The following ENTPD5 variants were observed in gnomAD, a reference collection of about 807,000 sequenced individuals.
ENTPD5 encodes nucleoside diphosphate phosphatase ENTPD5.
ENTPD5 carries 49 observed loss-of-function variants against 60.2 expected under a neutral mutation model. The ratio of observed to expected loss-of-function variants is 0.81; its 90% confidence interval spans 0.65 to 1.03. ENTPD5 has a LOEUF of 1.03. Among genes scored for constraint, ENTPD5 ranks in the 50% least tolerant of loss-of-function variants. ENTPD5 has a pLI of 0.00. For synonymous variants in ENTPD5, 187 were observed against 185.4 expected, an observed-to-expected ratio of 1.01 and a Z score of -0.07; for missense variants, 480 against 507.6, an observed-to-expected ratio of 0.95 and a Z score of 0.52.
At chr14:73,961,412 C>G, downstream of ENTPD5, 4 of 1,614,100 alleles carry the variant, frequency 2.5e-6, no homozygotes, top group Non-Finnish European at 3.4e-6. Flanking sequence ...TCCCTTCTCA[C>G]TTTGCTGCCA....
intron 3 of ENTPD5, among the ~76,000 whole-genome samples, chr14:73,989,078 T>G (rs972775695): frequency 4.0e-5 from 6 of 151,298 alleles, no homozygotes; most frequent in Non-Finnish European, 8.8e-5. Context: ...CGCCTCGGCC[T>G]CCCAAAGTGC....
At chr14:73,998,982 C>T (rs1448459880) in intron 3 of ENTPD5, among the ~76,000 whole-genome samples, 3 of 152,176 alleles carry the variant, frequency 2.0e-5, no homozygotes, top group South Asian at 4.1e-4. Context: ...TATCCAAATA[C>T]GAATCTGGTA....
downstream of ENTPD5, chr14:73,955,511 TG>T: frequency 6.2e-7 from 1 of 1,613,798 alleles, no homozygotes; most frequent in South Asian, 1.1e-5. Flanking sequence ...CGAATGCAGG[TG>T]CCCCTTTATC....
chr14:73,970,513 A>G (rs2057178512), intron 14 of ENTPD5, among the ~76,000 whole-genome samples: 1 of 151,796 alleles, frequency 6.6e-6, no homozygotes, highest in African/African-American at 2.4e-5. Context: ...GTAGGGGGAG[A>G]AGAAGAATAA....
At position 73,971,920 on chromosome 14, in the gene ENTPD5, C is replaced by T. The variant is rs367801118; in HGVS notation, c.1028-12G>A. 6.6e-6 allele frequency: 10 copies of T among 1,523,056 alleles called. No homozygotes were observed. The African/African-American group carries it at 1.2e-4, about 19-fold the overall frequency. 94.3% of individuals were successfully genotyped at this position (1,523,056 alleles called of 1,614,324 possible). ...CCCCTTTTCATAATCTGAAATAAAA[C>T]AGAAGATTATCTGATATCAAAACGC... is the stretch of plus-strand genomic sequence containing the variant. On this transcript the variant is annotated splice_polypyrimidine_tract_variant and intron_variant, in intron 13 of 15. Transcript: ENST00000334696.
chr14:73,961,990 C>G, downstream of ENTPD5: 2 of 1,490,302 alleles, frequency 1.3e-6, no homozygotes, highest in Admixed American at 3.4e-5. Flanking sequence ...TCTTATCGCC[C>G]AGGATGGAGT....
At chr14:74,006,925 A>G (rs185874121) in intron 3 of ENTPD5, among the ~76,000 whole-genome samples, 105 of 152,334 alleles carry the variant, frequency 6.9e-4, no homozygotes, top group African/African-American at 2.3e-3. Flanking sequence ...GAGTAGGAAG[A>G]AAATAAATGA....
At position 73,999,760 on chromosome 14, in the gene ENTPD5, C is replaced by G. The variant is rs1419342018; in HGVS notation, c.-71+11331G>C. ...TGAGCCAAGATCAAGCCACTGCACT[C>G]TAGACTGGGCAACAGGGCGAGACTC... is the stretch of plus-strand genomic sequence containing the variant. On this transcript the variant is annotated intron_variant, in intron 3 of 15. Transcript: ENST00000334696. 1.3e-5 allele frequency among the ~76,000 whole-genome samples: 2 copies of G among 151,086 alleles called. 1 individual carries two copies. The highest frequency in any genetic ancestry group is 4.9e-5 in the African/African-American group (2 of 40,914).
chr14:73,958,789 G>C (rs2056565518), downstream of ENTPD5: 1 of 1,503,290 alleles, frequency 6.7e-7, no homozygotes, highest in African/African-American at 1.4e-5. Flanking sequence ...TGGCTCTGTT[G>C]GCTGAGGCTG....
At chr14:73,955,455 T>C (rs1450160452), downstream of ENTPD5, 2 of 1,614,106 alleles carry the variant, frequency 1.2e-6, no homozygotes. Context: ...TTGTAGGTTT[T>C]GGTGCCTGGG....
chr14:73,956,217 A>G, downstream of ENTPD5: 1 of 364,436 alleles, frequency 2.7e-6, no homozygotes, highest in Non-Finnish European at 5.3e-6. Flanking sequence ...AGACCCAGCT[A>G]CTTGGGAGGC....
At chr14:73,955,889 A>G, downstream of ENTPD5, 2 of 1,614,144 alleles carry the variant, frequency 1.2e-6, no homozygotes, top group Non-Finnish European at 1.7e-6. Flanking sequence ...GAATGATGTC[A>G]TCATGCATGC....
At chr14:73,985,762 C>T (rs7148202) in intron 5 of ENTPD5, among the ~76,000 whole-genome samples, 47,859 of 151,836 alleles carry the variant, frequency 0.32, 9,103 homozygotes, top group Non-Finnish European at 0.42. Context: ...TATCCATGTG[C>T]TACTGAACTA....
intron 5 of ENTPD5, 162 bp downstream of exon 5, chr14:73,986,652 G>T: frequency 1.6e-6 from 1 of 629,170 alleles, no homozygotes. Flanking sequence ...ATGAGCGTGG[G>T]AAATGTAATT....
In ENTPD5 at chr14:73,964,043, G is replaced by A. The variant is rs1441022653; in HGVS notation, c.*2885C>T. Reference sequence around the variant, plus strand: ...AAGATGGCAGCTGCTGTGAAAAGCTGTGTGACTCCTGGCGGAGACTGCAGG... The same window carrying A: ...AAGATGGCAGCTGCTGTGAAAAGCTATGTGACTCCTGGCGGAGACTGCAGG... On this transcript the variant is annotated 3_prime_UTR_variant, in exon 16 of 16. Transcript: ENST00000334696. 6.6e-6 allele frequency: 1 copy of A among 152,174 alleles called. No homozygotes were observed. Among genetic ancestry groups the A allele is most frequent in the African/African-American group, 2.4e-5 (1 of 41,434 alleles). The allele number at this position is 152,174 out of a possible 1,614,324, so 9.4% of individuals were successfully genotyped here.
intron 1 of ENTPD5, chr14:74,018,393 T>C (rs969338812): frequency 6.6e-6 from 1 of 152,134 alleles, no homozygotes; most frequent in African/African-American, 2.4e-5. Flanking sequence ...AATAAACTTT[T>C]TAATTTGAAA....
chr14:73,988,301 C>A lies in ENTPD5; in HGVS notation c.-70-129G>T, dbSNP rs1218233322. On this transcript the variant is annotated intron_variant, in intron 3 of 15. Transcript: ENST00000334696. ...TAATAACCTGTACAACAAGCTAAAC[C>A]AGGGTGATGTGGGCTCTTAGCACCT... 11 of 832,300 alleles carry A rather than the reference C, an allele frequency of 1.3e-5. No homozygotes were observed. In the Admixed American group the frequency reaches 3.8e-4, roughly 29 times the overall value. 51.6% of individuals were successfully genotyped at this position (832,300 alleles called of 1,614,324 possible).
At chr14:73,961,468 A>T (rs770143781), downstream of ENTPD5, 2 of 1,614,106 alleles carry the variant, frequency 1.2e-6, no homozygotes, top group Non-Finnish European at 1.7e-6. Context: ...TGCAGCCCAC[A>T]GAGTCCATCC....
At chr14:74,015,431 G>T (rs1197632414) in intron 2 of ENTPD5, among the ~76,000 whole-genome samples, 1 of 137,268 alleles carries the variant, frequency 7.3e-6, no homozygotes. Context: ...GCTCACTGCA[G>T]CCATGATCTC....
Sources: gnomAD v4.1 joint callset for allele counts (sites outside exome capture counted in the v4.1 genomes callset) on GRCh38, gnomAD v4.1.1 for gene constraint, MANE v1.5 for transcripts, NCBI Gene and HGNC (gene_info 2026-07-23, HGNC 2026-07-21) for gene names.